Variants in OGFOD1 observed in about 807,000 individuals in gnomAD.
The protein encoded by OGFOD1 is prolyl 3-hydroxylase OGFOD1.
Under a neutral mutation model 67.7 loss-of-function variants are expected in OGFOD1, and 54 were observed. The ratio of observed to expected loss-of-function variants is 0.80; its 90% confidence interval spans 0.64 to 1.00. OGFOD1 has a LOEUF of 1.00. Ranked by LOEUF, OGFOD1 falls within the 50% of genes least tolerant of loss-of-function variation. The probability of loss-of-function intolerance (pLI) is 0.00; values close to 1 mark genes in which losing one functional copy is unlikely to be tolerated. For synonymous variants in OGFOD1, 221 were observed against 227.0 expected (o/e 0.97, Z 0.24); for missense variants, 606 against 646.7 (o/e 0.94, Z 0.68).
At chr16:56,457,012 A>G (rs1361331961) in intron 2 of OGFOD1, among the ~76,000 whole-genome samples, 1 of 152,248 alleles carries the variant, frequency 6.6e-6, no homozygotes, top group Non-Finnish European at 1.5e-5. Flanking sequence ...TAGTGTATCA[A>G]CCATTTTCCC....
At chr16:56,474,573 G>C (rs1963366858) in intron 10 of OGFOD1, among the ~76,000 whole-genome samples, 2 of 151,992 alleles carry the variant, frequency 1.3e-5, no homozygotes, top group African/African-American at 4.8e-5. Flanking sequence ...GCCCACCTCA[G>C]CCTCCCAAAG....
chr16:56,475,925 G>C (rs1963448833), intron 12 of OGFOD1, 119 bp from the exon 13 acceptor site: 1 of 882,206 alleles, frequency 1.1e-6, no homozygotes. Context: ...TTCATTCAGA[G>C]GACCCCTCTA....
intron 6 of OGFOD1, 66 bp downstream of exon 6, chr16:56,467,033 A>G: frequency 6.5e-7 from 1 of 1,540,478 alleles, no homozygotes; most frequent in Non-Finnish European, 9.0e-7. Context: ...TTATCCAAAC[A>G]TGACAGCTTC....
rs1444088525 is a variant in OGFOD1 at position 56,462,547 on chromosome 16, GA to G, written c.363del (p.Asp122IlefsTer112). On this transcript the variant is annotated frameshift_variant, in exon 4 of 13. Coordinates refer to ENST00000566157, the MANE Select transcript of OGFOD1 (RefSeq NM_018233.4). LOFTEE classifies it high-confidence loss of function. Reference protein sequence around the residue: ...HISTLRKILFEDFRSWLSDIS... With the variant: ...HISTLRKILFXDFRSWLSDIS... ...TTACATTTCTAGGAAAATTCTGTTT[GA>G]AGATTTCCGGTCCTGGCTTTCTGAT... 6.2e-7 allele frequency: 1 copy of G among 1,610,000 alleles called. No homozygotes were observed. The highest frequency in any genetic ancestry group is 1.3e-5 in the African/African-American group (1 of 74,810).
intron 12 of OGFOD1, 118 bp downstream of exon 12, chr16:56,475,683 C>A (rs1963437948): frequency 1.3e-6 from 1 of 797,848 alleles, no homozygotes; most frequent in South Asian, 1.5e-5. Context: ...CTCTGCCAGG[C>A]AATGGTTCTA....
intron 4 of OGFOD1, 27 bp downstream of exon 4, chr16:56,462,661 G>GT: frequency 7.3e-7 from 1 of 1,360,664 alleles, no homozygotes; most frequent in Non-Finnish European, 1.1e-6. Context: ...CCTGGTGTCT[G>GT]TAAGATATAA....
chr16:56,476,915 A>AG lies in OGFOD1; in HGVS notation c.*712dup, dbSNP rs1325821613. On this transcript the variant is annotated 3_prime_UTR_variant, in exon 13 of 13. Coordinates refer to ENST00000566157, the MANE Select transcript of OGFOD1 (RefSeq NM_018233.4). ...GAGGCCAAGGCAGGCGGATCACCTG[A>AG]GGTCAGGAGTTAAAGACCAGCCTGA... The AG allele has an allele frequency of 6.6e-6, 1 of 152,320 alleles. No individual in the cohort carries two copies. Among genetic ancestry groups the AG allele is most frequent in the East Asian group, 1.9e-4 (1 of 5,202 alleles). 9.4% of individuals were successfully genotyped at this position (152,320 alleles called of 1,614,324 possible).
intron 3 of OGFOD1, chr16:56,458,815 G>A (rs921664482): frequency 5.9e-5 from 30 of 512,778 alleles, no homozygotes; most frequent in Middle Eastern, 5.4e-4. Context: ...CAAGTTCTCA[G>A]TGATAAAATG....
At chr16:56,472,065 G>A (rs925574293) in intron 10 of OGFOD1, among the ~76,000 whole-genome samples, 13 of 152,044 alleles carry the variant, frequency 8.6e-5, no homozygotes, top group Non-Finnish European at 7.4e-5. Flanking sequence ...AGGCTCGAGC[G>A]ATCCTTCTGC....
Position 56,478,805 on chromosome 16 carries a change from T to G in OGFOD1, c.*2600T>G, listed in dbSNP as rs1313313714. ...TACACTACAAAAAGGGACTCGGGTG[T>G]CTGAGGGGAGAGAATCCCTAGGAGC... On this transcript the variant is annotated 3_prime_UTR_variant, in exon 13 of 13. Transcript: ENST00000566157. 6.6e-6 allele frequency: 1 copy of G among 152,214 alleles called. No homozygotes were observed. 9.4% of individuals were successfully genotyped at this position (152,214 alleles called of 1,614,324 possible). A position where few individuals can be genotyped will look rare whatever the true frequency, so the allele number is the denominator to read the frequency against.
In OGFOD1 at chr16:56,451,565, AAGGT is replaced by A; in HGVS notation, c.-45_-42del. The A allele has an allele frequency of 6.2e-7, 1 of 1,604,402 alleles. No individual in the cohort carries two copies. Among genetic ancestry groups the A allele is most frequent in the Non-Finnish European group, 8.5e-7 (1 of 1,175,178 alleles). On this transcript the variant is annotated 5_prime_UTR_variant, in exon 1 of 13. Transcript: ENST00000566157. ...TGCCGGGAGTTGCAGTACCCTCAGG[AAGGT>A]AGCGTCTTGATCTGCGTGGCGTGGT... is the stretch of plus-strand genomic sequence containing the variant.
At chr16:56,474,317 CTT>C (rs770427579) in intron 10 of OGFOD1, among the ~76,000 whole-genome samples, 6 of 130,052 alleles carry the variant, frequency 4.6e-5, no homozygotes, top group East Asian at 2.2e-4. Flanking sequence ...CAAAATTCAA[CTT>C]TTTTTTTTTT....
chr16:56,463,483 C>T (rs537012082), intron 4 of OGFOD1, among the ~76,000 whole-genome samples: 3 of 130,964 alleles, frequency 2.3e-5, no homozygotes, highest in South Asian at 2.6e-4. Flanking sequence ...AATGCAGTGG[C>T]GTGATCTCGG....
intron 3 of OGFOD1, 188 bp downstream of exon 3, chr16:56,458,782 T>A (rs1962612342): frequency 9.0e-6 from 5 of 556,868 alleles, no homozygotes; most frequent in Admixed American, 3.2e-5. Flanking sequence ...CATACAAACC[T>A]AAGTCTGTCT....
At chr16:56,467,430 C>CTTT (rs375009247) in intron 7 of OGFOD1, 137 bp downstream of exon 7, 48 of 754,964 alleles carry the variant, frequency 6.4e-5, no homozygotes, top group Non-Finnish European at 6.8e-5. Context: ...TTTTTTCTTC[C>CTTT]TTTTTTTTTT....
intron 2 of OGFOD1, among the ~76,000 whole-genome samples, chr16:56,456,465 G>A (rs547449364): frequency 6.6e-6 from 1 of 152,318 alleles, no homozygotes; most frequent in Non-Finnish European, 1.5e-5. Context: ...TCCACCTGCA[G>A]TTTTCCCCAT....
intron 6 of OGFOD1, 44 bp from the exon 7 acceptor site, chr16:56,467,121 C>T: frequency 1.2e-6 from 2 of 1,613,216 alleles, no homozygotes; most frequent in South Asian, 2.2e-5. Flanking sequence ...GGCGGTAATC[C>T]CCCTATTCTT....
intron 2 of OGFOD1, among the ~76,000 whole-genome samples, chr16:56,457,741 C>T (rs1459444901): frequency 3.3e-5 from 5 of 151,724 alleles, no homozygotes; most frequent in Admixed American, 2.6e-4. Context: ...AGTGCAATGG[C>T]GAGATCTCAG....
At chr16:56,468,648 C>T (rs963860769) in intron 8 of OGFOD1, among the ~76,000 whole-genome samples, 1 of 151,870 alleles carries the variant, frequency 6.6e-6, no homozygotes, top group Non-Finnish European at 1.5e-5. Flanking sequence ...ATCACTTGAA[C>T]CTGGGATGCA....
Sources: gnomAD v4.1 joint callset for allele counts (sites outside exome capture counted in the v4.1 genomes callset) on GRCh38, gnomAD v4.1.1 for gene constraint, MANE v1.5 for transcripts, NCBI Gene and HGNC (gene_info 2026-07-23, HGNC 2026-07-21) for gene names.